The following COA1 variants were observed in gnomAD, a reference collection of about 807,000 sequenced individuals.
COA1 encodes cytochrome c oxidase assembly factor 1 homolog.
Under a neutral mutation model 16.0 loss-of-function variants are expected in COA1, and 13 were observed. The ratio of observed to expected loss-of-function variants is 0.81; its 90% CI spans 0.53 to 1.29. The LOEUF (loss-of-function observed/expected upper bound fraction) is 1.29. Ranked by LOEUF, COA1 falls within the 50% of genes most tolerant of loss-of-function variation. The pLI, the probability that COA1 is intolerant of heterozygous loss-of-function variation, is 0.00. For missense variants in COA1, 179 were observed against 177.0 expected, an observed-to-expected ratio of 1.01 and a Z score of -0.06; for synonymous variants, 65 against 65.7, an observed-to-expected ratio of 0.99 and a Z score of 0.05.
chr7:43,700,960 G>A (rs2094713005), intron 1 of COA1, among the ~76,000 whole-genome samples: 1 of 152,050 alleles, frequency 6.6e-6, no homozygotes, highest in Non-Finnish European at 1.5e-5. Flanking sequence ...TATCTCACCT[G>A]CTTTCCCTCC....
chr7:43,645,790 C>T (rs900825230), intron 3 of COA1: 5 of 165,694 alleles, frequency 3.0e-5, no homozygotes, highest in Non-Finnish European at 5.3e-5. Flanking sequence ...CAAAGTGACA[C>T]AGCTGGTCCA....
chr7:43,665,284 A>G (rs2092805202), intron 1 of COA1, among the ~76,000 whole-genome samples: 1 of 152,182 alleles, frequency 6.6e-6, no homozygotes, highest in Non-Finnish European at 1.5e-5. Context: ...ACTGCTCAAC[A>G]TCCCAAATTA....
chr7:43,704,878 T>C (rs1303312187), intron 1 of COA1, among the ~76,000 whole-genome samples: 1 of 152,196 alleles, frequency 6.6e-6, no homozygotes, highest in Non-Finnish European at 1.5e-5. Context: ...AAAAACACTC[T>C]GGCTTTTAGA....
At chr7:43,640,530 G>A in intron 5 of COA1, 43 bp downstream of exon 5, 1 of 1,382,390 alleles carries the variant, frequency 7.2e-7, no homozygotes, top group Non-Finnish European at 1.0e-6. Context: ...TCATCAGGAA[G>A]TCTTCCTCCC....
At chr7:43,698,765 C>T (rs1016527891) in intron 1 of COA1, among the ~76,000 whole-genome samples, 1 of 152,142 alleles carries the variant, frequency 6.6e-6, no homozygotes, top group Admixed American at 6.5e-5. Flanking sequence ...GGACACTAAG[C>T]TAAGCTAGAA....
At chr7:43,616,569 G>T (rs980686277) in intron 6 of COA1, among the ~76,000 whole-genome samples, 5 of 152,176 alleles carry the variant, frequency 3.3e-5, no homozygotes, top group Admixed American at 1.3e-4. Context: ...GGGTAGGAAG[G>T]ATGGTTGGAT....
chr7:43,651,308 G>A (rs951125213), intron 1 of COA1, among the ~76,000 whole-genome samples: 4 of 152,180 alleles, frequency 2.6e-5, no homozygotes, highest in Non-Finnish European at 5.9e-5. Context: ...GAAAATCAAG[G>A]AACTTGTTAG....
intron 1 of COA1, among the ~76,000 whole-genome samples, chr7:43,693,655 C>T (rs890143593): frequency 1.1e-4 from 17 of 152,142 alleles, no homozygotes; most frequent in African/African-American, 4.1e-4. Context: ...TTTTCACCAT[C>T]CTTCACCCAG....
intron 1 of COA1, among the ~76,000 whole-genome samples, chr7:43,727,025 A>G (rs771780888): frequency 2.8e-4 from 43 of 152,238 alleles, no homozygotes; most frequent in Non-Finnish European, 5.1e-4. Context: ...CACAAAGAAA[A>G]GATGAACGTT....
intron 1 of COA1, among the ~76,000 whole-genome samples, chr7:43,668,433 A>G (rs1404103084): frequency 1.3e-5 from 2 of 152,238 alleles, no homozygotes; most frequent in Non-Finnish European, 2.9e-5. Flanking sequence ...TAATCAGGCC[A>G]AGTATAAGAC....
At chr7:43,637,326 A>G (rs1366387356), downstream of COA1, among the ~76,000 whole-genome samples, 2 of 152,202 alleles carry the variant, frequency 1.3e-5, no homozygotes, top group African/African-American at 2.4e-5. Context: ...CCTCTTCTAT[A>G]GTAAAGCACA....
chr7:43,685,124 C>G (rs990916781), intron 1 of COA1, among the ~76,000 whole-genome samples: 7 of 148,168 alleles, frequency 4.7e-5, no homozygotes, highest in Non-Finnish European at 1.0e-4. Context: ...AATCCAGCAG[C>G]CTGGGCAACA....
intron 1 of COA1, among the ~76,000 whole-genome samples, chr7:43,718,973 ATTTT>A (rs57530020): frequency 3.0e-5 from 4 of 134,734 alleles, no homozygotes; most frequent in Admixed American, 7.6e-5. Context: ...AGGAATCTAC[ATTTT>A]TTTTTTTTTT....
chr7:43,627,005 A>G (rs544905632), intron 6 of COA1, among the ~76,000 whole-genome samples: 2 of 152,306 alleles, frequency 1.3e-5, no homozygotes, highest in East Asian at 1.9e-4. Context: ...AAATCTATTA[A>G]TAACTGCCAG....
intron 3 of COA1, chr7:43,646,588 G>A (rs1355176826): frequency 2.2e-6 from 1 of 456,730 alleles, no homozygotes; most frequent in Non-Finnish European, 4.4e-6. Flanking sequence ...CCTCCTAAGG[G>A]AGAAAGGCTG....
intron 1 of COA1, among the ~76,000 whole-genome samples, chr7:43,658,077 A>T (rs531115519): frequency 6.8e-4 from 76 of 112,154 alleles, no homozygotes; most frequent in African/African-American, 1.2e-3. Flanking sequence ...TATTTTTTTT[A>T]AAAAAGTTAC....
chr7:43,664,128 A>AGAGAGAGAGAGAGAGAGAGAGAGT (rs963621045), intron 1 of COA1, among the ~76,000 whole-genome samples: 5 of 147,934 alleles, frequency 3.4e-5, no homozygotes, highest in Non-Finnish European at 7.5e-5. Flanking sequence ...AGAGAGAGAG[A>AGAGAGAGAGAGAGAGAGAGAGAGT]GAGTCTTGCT....
chr7:43,647,658 T>C (rs750315452), intron 2 of COA1, 24 bp from the exon 3 acceptor site: 1 of 1,565,672 alleles, frequency 6.4e-7, no homozygotes, highest in Admixed American at 1.7e-5. Context: ...GATACAAATT[T>C]ATTGTAGGAT....
intron 1 of COA1, among the ~76,000 whole-genome samples, chr7:43,672,786 AAAAG>A (rs1294468219): frequency 1.3e-5 from 2 of 151,980 alleles, no homozygotes; most frequent in East Asian, 1.9e-4. Context: ...AAAAAAAAAA[AAAAG>A]AGAGAGAGAC....
Sources: gnomAD v4.1 joint callset for allele counts (sites outside exome capture counted in the v4.1 genomes callset) on GRCh38, gnomAD v4.1.1 for gene constraint, MANE v1.5 for transcripts, NCBI Gene and HGNC (gene_info 2026-07-23, HGNC 2026-07-21) for gene names.